SNTG1: variants seen among roughly 807,000 people sequenced by gnomAD.
SNTG1 encodes the protein gamma-1-syntrophin.
In SNTG1, 39 loss-of-function variants were observed where a neutral mutation model predicts 74.7. The observed-to-expected ratio is 0.52, with a 90% CI of 0.40 to 0.68. The LOEUF is 0.68. Ranked by LOEUF, SNTG1 falls within the 30% of genes least tolerant of loss-of-function variation. SNTG1 has a pLI of 0.00. For synonymous variants in SNTG1, 254 were observed against 217.1 expected, an observed-to-expected ratio of 1.17 and a Z score of -1.49; for missense variants, 685 against 609.5, an observed-to-expected ratio of 1.12 and a Z score of -1.30.
At chr8:49,929,995 G>A (rs1268827082) in intron 1 of SNTG1, among the ~76,000 whole-genome samples, 10 of 150,758 alleles carry the variant, frequency 6.6e-5, no homozygotes. Context: ...AACAAAACAA[G>A]TAAACAACTA....
At chr8:50,613,681 G>A (rs962312448) in intron 13 of SNTG1, among the ~76,000 whole-genome samples, 38 of 152,142 alleles carry the variant, frequency 2.5e-4, no homozygotes, top group African/African-American at 8.7e-4. Flanking sequence ...AACTTTTGGA[G>A]GGTAGTTTTG....
intron 1 of SNTG1, chr8:50,164,542 T>C (rs1443731796): frequency 2.6e-5 from 4 of 152,232 alleles, no homozygotes; most frequent in African/African-American, 9.6e-5. Context: ...TGAACACATT[T>C]TAAATTACTA....
intron 4 of SNTG1, among the ~76,000 whole-genome samples, chr8:50,425,045 A>AT (rs956685091): frequency 6.6e-6 from 1 of 152,150 alleles, no homozygotes; most frequent in African/African-American, 2.4e-5. Context: ...TAGAGATAGC[A>AT]TTTTTTAAAA....
intron 2 of SNTG1, among the ~76,000 whole-genome samples, chr8:50,218,577 T>C (rs1367358638): frequency 2.0e-5 from 3 of 152,134 alleles, no homozygotes; most frequent in African/African-American, 4.8e-5. Context: ...GTATAGTGAA[T>C]GGTTTTATTT....
intron 15 of SNTG1, among the ~76,000 whole-genome samples, chr8:50,692,401 A>T (rs187378273): frequency 1.3e-5 from 2 of 151,782 alleles, no homozygotes; most frequent in Non-Finnish European, 2.9e-5. Flanking sequence ...TTGGTCTTTG[A>T]TGATGGTGAC....
chr8:49,953,483 C>G (rs1809905897), intron 1 of SNTG1, among the ~76,000 whole-genome samples: 1 of 152,150 alleles, frequency 6.6e-6, no homozygotes, highest in Non-Finnish European at 1.5e-5. Flanking sequence ...GTCCCAGGTG[C>G]TAAAGAGGGT....
intron 9 of SNTG1, among the ~76,000 whole-genome samples, chr8:50,529,916 A>T (rs1010071251): frequency 6.5e-5 from 9 of 139,398 alleles, no homozygotes; most frequent in Non-Finnish European, 9.7e-5. Flanking sequence ...ACTTTTTATA[A>T]GGCTGTACAT....
intron 2 of SNTG1, among the ~76,000 whole-genome samples, chr8:50,371,290 C>A (rs947295660): frequency 3.9e-5 from 6 of 152,164 alleles, no homozygotes; most frequent in Non-Finnish European, 7.3e-5. Context: ...CGGGTGTGCA[C>A]AGCAGTACTC....
intron 8 of SNTG1, among the ~76,000 whole-genome samples, chr8:50,455,024 A>T (rs978562895): frequency 6.6e-6 from 1 of 152,218 alleles, no homozygotes; most frequent in Non-Finnish European, 1.5e-5. Context: ...AAATTTTAAG[A>T]AAACTATTAG....
At chr8:50,034,783 C>T (rs976063835) in intron 1 of SNTG1, among the ~76,000 whole-genome samples, 1 of 152,168 alleles carries the variant, frequency 6.6e-6, no homozygotes. Context: ...TGTTGGGCTA[C>T]ATTGAAAGCT....
intron 1 of SNTG1, among the ~76,000 whole-genome samples, chr8:49,999,326 G>A (rs944278076): frequency 6.6e-6 from 1 of 152,020 alleles, no homozygotes. Flanking sequence ...GCAGCTCATT[G>A]TCTCACTGCC....
rs527402210 is a variant in SNTG1, at chr8:50,566,380, A to C, written c.810+13201A>C. On this transcript the variant is annotated intron_variant, in intron 12 of 18. Coordinates refer to ENST00000642720, the MANE Select transcript of SNTG1 (RefSeq NM_018967.5). ...TGATGATGTTATCAGCAGAATACTA[A>C]CCATGACAAATGGGTCAAATTTTGG... 1.4e-4 allele frequency among the ~76,000 whole-genome samples: 21 copies of C among 152,108 alleles called. 1 individual carries two copies. The South Asian group carries it at 4.3e-3, about 31-fold the overall frequency.
At chr8:49,934,663 G>T (rs548988373) in intron 1 of SNTG1, among the ~76,000 whole-genome samples, 1 of 152,288 alleles carries the variant, frequency 6.6e-6, no homozygotes, top group South Asian at 2.1e-4. Flanking sequence ...AATTGCCATT[G>T]TCATGATTAT....
intron 12 of SNTG1, among the ~76,000 whole-genome samples, chr8:50,570,577 T>C (rs1339357670): frequency 4.5e-5 from 3 of 66,528 alleles, no homozygotes; most frequent in Non-Finnish European, 5.9e-5. Context: ...ATTATTATTA[T>C]TATTATTATT....
chr8:50,308,619 A>C (rs531558874), intron 2 of SNTG1, among the ~76,000 whole-genome samples: 22 of 152,282 alleles, frequency 1.4e-4, no homozygotes, highest in African/African-American at 5.1e-4. Flanking sequence ...ATTCCAAGTT[A>C]TATTAAATAT....
intron 2 of SNTG1, among the ~76,000 whole-genome samples, chr8:50,263,284 T>C (rs35157628): frequency 0.56 from 85,830 of 152,066 alleles, 27,974 homozygotes; most frequent in East Asian, 0.83. Context: ...AAAGAAGATA[T>C]ATATTTGAGG....
intron 13 of SNTG1, among the ~76,000 whole-genome samples, chr8:50,621,073 T>G (rs921976988): frequency 6.6e-6 from 1 of 152,244 alleles, no homozygotes; most frequent in Admixed American, 6.5e-5. Context: ...CTTTTTTTTT[T>G]TTTTTTGAGA....
intron 1 of SNTG1, among the ~76,000 whole-genome samples, chr8:50,171,698 C>G (rs1458137029): frequency 6.6e-6 from 1 of 152,180 alleles, no homozygotes; most frequent in Non-Finnish European, 1.5e-5. Context: ...GTTAAGGGTT[C>G]TCGACTTAGC....
chr8:50,583,134 G>T (rs1401560803), intron 12 of SNTG1, among the ~76,000 whole-genome samples: 4 of 152,060 alleles, frequency 2.6e-5, no homozygotes, highest in Non-Finnish European at 5.9e-5. Context: ...AGGCATGGTG[G>T]CTCATGCCTG....
Sources: allele counts gnomAD v4.1 joint callset (sites outside exome capture counted in the v4.1 genomes callset), GRCh38; gene constraint gnomAD v4.1.1; transcripts MANE v1.5; gene names NCBI Gene and HGNC (gene_info 2026-07-23, HGNC 2026-07-21).